WDFY3: variants seen among roughly 807,000 people sequenced by gnomAD.
The protein encoded by WDFY3 is WD repeat and FYVE domain-containing protein 3.
WDFY3 carries 66 observed loss-of-function variants against 409.6 expected under a neutral mutation model. The ratio of observed to expected loss-of-function variants is 0.16; its 90% confidence interval spans 0.13 to 0.20. WDFY3 has a LOEUF of 0.20. Among genes scored for constraint, WDFY3 ranks in the 10% least tolerant of loss-of-function variants. WDFY3 has a pLI of 1.00. For synonymous variants in WDFY3, 1,521 were observed against 1,537.1 expected (o/e 0.99, Z 0.25); for missense variants, 3,031 against 4,298.1 (o/e 0.71, Z 8.24).
At chr4:84,705,266 G>A in intron 54 of WDFY3, 128 bp downstream of exon 54, 1 of 712,980 alleles carries the variant, frequency 1.4e-6, no homozygotes, top group Non-Finnish European at 2.4e-6. Flanking sequence ...ATATATGTGT[G>A]GACATATAAT....
At chr4:84,935,798 C>A (rs1771329125) in intron 1 of WDFY3, among the ~76,000 whole-genome samples, 1 of 152,114 alleles carries the variant, frequency 6.6e-6, no homozygotes, top group African/African-American at 2.4e-5. Context: ...TAAAATCAAT[C>A]TAGATTTACA....
chr4:84,882,743 G>GTTTTTTTTTT, intron 3 of WDFY3, among the ~76,000 whole-genome samples: 1 of 149,578 alleles, frequency 6.7e-6, no homozygotes, highest in Non-Finnish European at 1.5e-5. Context: ...GAGACACAGT[G>GTTTTTTTTTT]TCATTCTGTC....
chr4:84,690,025 T>C (rs1034535633), intron 61 of WDFY3, among the ~76,000 whole-genome samples: 3 of 152,138 alleles, frequency 2.0e-5, no homozygotes, highest in Non-Finnish European at 4.4e-5. Context: ...TAATAGACAA[T>C]CAGAAATACT....
At chr4:84,857,729 A>G (rs961899250) in intron 4 of WDFY3, among the ~76,000 whole-genome samples, 1 of 151,950 alleles carries the variant, frequency 6.6e-6, no homozygotes, top group African/African-American at 2.4e-5. Flanking sequence ...CTACTCTACC[A>G]TCTCCTCCCT....
intron 36 of WDFY3, 72 bp downstream of exon 36, chr4:84,751,411 C>T: frequency 6.8e-7 from 1 of 1,466,006 alleles, no homozygotes; most frequent in African/African-American, 1.4e-5. Context: ...TGTTATAGAA[C>T]TTGTTTGGTT....
intron 2 of WDFY3, among the ~76,000 whole-genome samples, chr4:84,931,691 C>T (rs1046976665): frequency 7.2e-5 from 11 of 152,056 alleles, no homozygotes; most frequent in African/African-American, 2.7e-4. Context: ...TTGCAATCAA[C>T]AGAGAAACAA....
At chr4:84,956,394 G>A (rs886356283) in intron 1 of WDFY3, among the ~76,000 whole-genome samples, 5 of 152,128 alleles carry the variant, frequency 3.3e-5, no homozygotes, top group African/African-American at 1.2e-4. Context: ...AGAACCAGAC[G>A]CCAGACAGGC....
intron 3 of WDFY3, among the ~76,000 whole-genome samples, chr4:84,879,967 G>T (rs536163204): frequency 1.3e-5 from 2 of 152,268 alleles, no homozygotes; most frequent in East Asian, 3.9e-4. Flanking sequence ...CCCTAAAGAC[G>T]TCTCTACTAC....
intron 62 of WDFY3, among the ~76,000 whole-genome samples, chr4:84,685,002 G>T (rs976511987): frequency 1.3e-5 from 2 of 152,196 alleles, no homozygotes. Context: ...GAGGGGCAAA[G>T]AATTTAAGTA....
intron 7 of WDFY3, among the ~76,000 whole-genome samples, chr4:84,835,213 T>TA (rs1437079996): frequency 6.6e-6 from 1 of 152,240 alleles, no homozygotes; most frequent in African/African-American, 2.4e-5. Context: ...ATGTAGGTAT[T>TA]AAAAGTATAA....
intron 3 of WDFY3, among the ~76,000 whole-genome samples, chr4:84,878,342 T>C (rs536291740): frequency 2.0e-5 from 3 of 152,280 alleles, no homozygotes; most frequent in South Asian, 4.1e-4. Flanking sequence ...CTGGAATGTA[T>C]GTTAAGACCT....
intron 63 of WDFY3, 115 bp downstream of exon 63, chr4:84,683,828 A>C (rs542714243): frequency 8.9e-7 from 1 of 1,117,442 alleles, no homozygotes; most frequent in Non-Finnish European, 1.3e-6. Flanking sequence ...AGCTGGAGCG[A>C]GAGTTCACTA....
intron 3 of WDFY3, among the ~76,000 whole-genome samples, chr4:84,881,156 G>C (rs539346154): frequency 1.6e-4 from 25 of 151,712 alleles, no homozygotes. Context: ...CCATACATAC[G>C]CATCAATTGC....
In WDFY3 at chr4:84,751,720, GTAAAA is replaced by G; in HGVS notation, c.5740-9_5740-5del. On this transcript the variant is annotated splice_polypyrimidine_tract_variant and splice_region_variant and intron_variant, in intron 35 of 67. Transcript: ENST00000295888. ...CTTCATCATCAAGGTCAGTCACCTAGTAAAATCAAGTGGAAAGATACGGTAATCAC... is the reference window on the plus strand; with the variant it reads ...CTTCATCATCAAGGTCAGTCACCTAGTCAAGTGGAAAGATACGGTAATCAC... 8 of 1,614,016 alleles carry G rather than the reference GTAAAA, an allele frequency of 5.0e-6. No individual in the cohort carries two copies. Among genetic ancestry groups the G allele is most frequent in the Non-Finnish European group, 5.9e-6 (7 of 1,179,914 alleles).
Position 84,803,439 on chromosome 4 carries a change from G to A in WDFY3, c.2458C>T (p.Pro820Ser), listed in dbSNP as rs1356399578. 6.2e-7 allele frequency: 1 copy of A among 1,613,326 alleles called. No homozygotes were observed. The highest frequency in any genetic ancestry group is 2.2e-5 in the East Asian group (1 of 44,842). ...GCAACATTTTTAGGAGGGTAAACAG[G>A]GGGAGTTGAAACAGAATGATATGCA... ...RHAYHSVSTP[P>S]VYPPKNVADL... Residue 820 changes from proline (P) to serine (S), a missense_variant, in exon 16 of 68, where the codon CCT becomes TCT. Physicochemically the swap from Pro to Ser is moderately conservative, Grantham distance 74. Around this residue, in one of 16 missense-constraint regions of WDFY3, gnomAD observed 1,322 missense variants for 1,697.9 expected, o/e 0.78. Coordinates refer to ENST00000295888, the MANE Select transcript of WDFY3 (RefSeq NM_014991.6).
chr4:84,760,624 T>C (rs545339750), intron 32 of WDFY3, among the ~76,000 whole-genome samples: 2 of 152,350 alleles, frequency 1.3e-5, no homozygotes, highest in South Asian at 4.1e-4. Context: ...TGATGGTAGC[T>C]TGTATTTCTG....
intron 66 of WDFY3, among the ~76,000 whole-genome samples, 184 bp downstream of exon 66, chr4:84,677,984 A>G (rs920516734): frequency 8.6e-5 from 13 of 151,122 alleles, no homozygotes; most frequent in Non-Finnish European, 7.4e-5. Context: ...AAAAAAAAAA[A>G]AAAGAAAAAG....
rs1735388391 is a variant in WDFY3 at position 84,724,730 on chromosome 4, A to AACTT, written c.7273-137_7273-136insAAGT. On this transcript the variant is annotated intron_variant, in intron 45 of 67. Coordinates refer to ENST00000295888, the MANE Select transcript of WDFY3 (RefSeq NM_014991.6). ...TTCATAGACTGTATGTATATACAGT[A>AACTT]AATCCACACTTTTGGGTTAAGTTTC... The AACTT allele has an allele frequency of 3.7e-6, 3 of 802,162 alleles. No homozygotes were observed. In the Admixed American group the frequency reaches 1.2e-4, roughly 31 times the overall value. The allele number at this position is 802,162 out of a possible 1,614,324, so 49.7% of individuals were successfully genotyped here.
intron 3 of WDFY3, among the ~76,000 whole-genome samples, chr4:84,870,886 TAA>T (rs34424987): frequency 3.5e-5 from 5 of 144,510 alleles, no homozygotes; most frequent in Admixed American, 6.9e-5. Flanking sequence ...AACAGGGCTC[TAA>T]AAAAAAAAAA....
Sources: allele counts gnomAD v4.1 joint callset (sites outside exome capture counted in the v4.1 genomes callset), GRCh38; gene constraint gnomAD v4.1.1; regional missense constraint gnomAD v4.1.1; transcripts MANE v1.5; gene names NCBI Gene and HGNC (gene_info 2026-07-23, HGNC 2026-07-21).